Variants in SLC4A7 observed in about 807,000 individuals in gnomAD.
SLC4A7 encodes sodium bicarbonate cotransporter 3.
Under a neutral mutation model 137.6 loss-of-function variants are expected in SLC4A7, and 51 were observed. The ratio of observed to expected loss-of-function variants is 0.37; its 90% CI spans 0.30 to 0.47. The LOEUF is 0.47. Ranked by LOEUF, SLC4A7 falls within the 20% of genes least tolerant of loss-of-function variation. The pLI, the probability that SLC4A7 is intolerant of heterozygous loss-of-function variation, is 1.00. For synonymous variants in SLC4A7, 542 were observed against 518.6 expected (o/e 1.05, Z -0.61); for missense variants, 1,247 against 1,525.4 (o/e 0.82, Z 3.04).
chr3:27,415,659 A>G (rs1286401431), intron 11 of SLC4A7, among the ~76,000 whole-genome samples: 1 of 152,204 alleles, frequency 6.6e-6, no homozygotes, highest in Non-Finnish European at 1.5e-5. Flanking sequence ...TTTTTAAGCC[A>G]AACTTCTTTC....
chr3:27,403,784 A>T (rs1266998643), intron 14 of SLC4A7, among the ~76,000 whole-genome samples: 1 of 152,164 alleles, frequency 6.6e-6, no homozygotes, highest in Admixed American at 6.6e-5. Context: ...CAGACATCAT[A>T]TGTATCAATA....
chr3:27,452,517 C>G lies in SLC4A7; in HGVS notation c.61-19G>C. 1 of 1,562,454 alleles carries G rather than the reference C, an allele frequency of 6.4e-7. No individual in the cohort carries two copies. The stretch of plus-strand genomic sequence containing the variant: ...CAGGACCCTAAAAACAAATTATTCT[C>G]ATTGACTCATGAGATCACAATCTAT... On this transcript the variant is annotated intron_variant, in intron 1 of 25. Transcript: ENST00000454389.
At position 27,448,729 on chromosome 3, in the gene SLC4A7, G is replaced by T; in HGVS notation, c.211C>A (p.Arg71Ser). 6.2e-7 allele frequency: 1 copy of T among 1,612,696 alleles called. No individual in the cohort carries two copies. Among genetic ancestry groups the T allele is most frequent in the Non-Finnish European group, 8.5e-7 (1 of 1,178,998 alleles). The part of the protein sequence containing the change: ...SKESRRRHRH[R>S]GHKHHHRRRK... ...CTCCGGTGGTGATGTTTGTGTCCGCGATGCCTATGACGCCGACGACTCTCT... is the reference window on the plus strand; with the variant it reads ...CTCCGGTGGTGATGTTTGTGTCCGCTATGCCTATGACGCCGACGACTCTCT... The change falls in exon 3 of 26, where the codon CGC becomes AGC. Residue 71 changes from arginine (R) to serine (S), a missense_variant. By Grantham distance (110) the Arg-to-Ser change is moderately radical. Transcript: ENST00000454389.
intron 7 of SLC4A7, among the ~76,000 whole-genome samples, chr3:27,428,909 A>G (rs181446867): frequency 3.8e-4 from 58 of 152,348 alleles, no homozygotes; most frequent in Non-Finnish European, 3.8e-4. Context: ...GCAAAAAGAT[A>G]TATGTACAAA....
intron 18 of SLC4A7, among the ~76,000 whole-genome samples, chr3:27,397,339 T>A (rs1423505062): frequency 1.3e-5 from 2 of 151,710 alleles, no homozygotes; most frequent in Non-Finnish European, 2.9e-5. Flanking sequence ...TATAAAAAAA[T>A]AAAGGCTGTT....
intron 18 of SLC4A7, among the ~76,000 whole-genome samples, chr3:27,396,151 T>C (rs1317836438): frequency 6.6e-6 from 1 of 152,178 alleles, no homozygotes; most frequent in Non-Finnish European, 1.5e-5. Flanking sequence ...CATTTGTCAA[T>C]ATAAAAGGGA....
At chr3:27,466,274 A>AC (rs1270941530) in intron 1 of SLC4A7, among the ~76,000 whole-genome samples, 1 of 150,580 alleles carries the variant, frequency 6.6e-6, no homozygotes, top group Non-Finnish European at 1.5e-5. Context: ...ACACGGTGAA[A>AC]CCCCGTCTCT....
At chr3:27,405,604 A>T (rs1273323100) in intron 13 of SLC4A7, among the ~76,000 whole-genome samples, 1 of 152,222 alleles carries the variant, frequency 6.6e-6, no homozygotes, top group African/African-American at 2.4e-5. Context: ...AAGAACTGCT[A>T]TAAAAAGATC....
rs1158925663 is a variant in SLC4A7 at position 27,418,678 on chromosome 3, A to C, written c.1513-46T>G. On this transcript the variant is annotated intron_variant, in intron 10 of 25. Transcript: ENST00000454389. ...GTAAAAGATTTTAAAGTTGAAAAAA[A>C]TTTCTACACATAGTAAATCCACTCT... The C allele has an allele frequency of 8.5e-6, 10 of 1,173,384 alleles. No individual in the cohort carries two copies. In the South Asian group the frequency reaches 9.5e-5, roughly 11 times the overall value. 72.7% of individuals were successfully genotyped at this position (1,173,384 alleles called of 1,614,324 possible). A position where few individuals can be genotyped will look rare whatever the true frequency, so the allele number is the denominator to read the frequency against.
At chr3:27,477,707 C>T (rs1165570754) in intron 1 of SLC4A7, among the ~76,000 whole-genome samples, 2 of 152,102 alleles carry the variant, frequency 1.3e-5, no homozygotes, top group African/African-American at 4.8e-5. Context: ...TGGGTTCGAG[C>T]GATTCTCCCG....
chr3:27,429,208 G>A (rs1052509511), intron 7 of SLC4A7, among the ~76,000 whole-genome samples: 3 of 151,382 alleles, frequency 2.0e-5, no homozygotes, highest in African/African-American at 7.3e-5. Flanking sequence ...GGAGGTTGCA[G>A]TAAGCCGAGA....
chr3:27,478,356 A>G (rs559153024), intron 1 of SLC4A7, among the ~76,000 whole-genome samples: 1 of 151,804 alleles, frequency 6.6e-6, no homozygotes, highest in East Asian at 2.0e-4. Flanking sequence ...TGTCTCTACT[A>G]AAAATACAAA....
intron 1 of SLC4A7, among the ~76,000 whole-genome samples, chr3:27,473,629 GC>G (rs1279745759): frequency 6.7e-6 from 1 of 148,470 alleles, no homozygotes; most frequent in South Asian, 2.1e-4. Flanking sequence ...GATTGTTTGA[GC>G]CCGGGGGGTG....
intron 3 of SLC4A7, among the ~76,000 whole-genome samples, chr3:27,445,609 G>A (rs1184153392): frequency 6.6e-6 from 1 of 151,568 alleles, no homozygotes; most frequent in Non-Finnish European, 1.5e-5. Flanking sequence ...CGTACAACAT[G>A]ATGACTATAG....
chr3:27,478,730 G>C (rs566994129), intron 1 of SLC4A7, among the ~76,000 whole-genome samples: 1 of 151,320 alleles, frequency 6.6e-6, no homozygotes, highest in East Asian at 2.0e-4. Flanking sequence ...GCTCCTGCTT[G>C]TAATCCCAGC....
chr3:27,422,843 G>A (rs139069397), intron 8 of SLC4A7: 71 of 455,672 alleles, frequency 1.6e-4, no homozygotes, highest in African/African-American at 1.3e-3. Context: ...GCAGACTCCT[G>A]CCCAACAGGA....
At chr3:27,421,824 G>C in intron 8 of SLC4A7, 45 bp from the exon 9 acceptor site, 2 of 1,476,490 alleles carry the variant, frequency 1.4e-6, no homozygotes, top group Non-Finnish European at 1.9e-6. Flanking sequence ...CGTGGTATTT[G>C]TAAGACTAGA....
chr3:27,459,130 T>G (rs547610227), intron 1 of SLC4A7, among the ~76,000 whole-genome samples: 2 of 152,274 alleles, frequency 1.3e-5, no homozygotes, highest in Middle Eastern at 3.4e-3. Flanking sequence ...CCTCCCCCAC[T>G]GGATTATAAA....
At chr3:27,438,833 T>C (rs565692276) in intron 3 of SLC4A7, among the ~76,000 whole-genome samples, 3 of 152,156 alleles carry the variant, frequency 2.0e-5, no homozygotes, top group Non-Finnish European at 4.4e-5. Flanking sequence ...GCTCCAACTA[T>C]ACAGAAACTG....
Sources: allele counts gnomAD v4.1 joint callset (sites outside exome capture counted in the v4.1 genomes callset), GRCh38; gene constraint gnomAD v4.1.1; transcripts MANE v1.5; gene names NCBI Gene and HGNC (gene_info 2026-07-23, HGNC 2026-07-21).